MACROD2: variants seen among roughly 807,000 people sequenced by gnomAD.
MACROD2 encodes the protein ADP-ribose glycohydrolase MACROD2.
MACROD2 carries 36 observed loss-of-function variants against 70.4 expected under a neutral mutation model. The observed-to-expected ratio is 0.51, with a 90% CI of 0.39 to 0.68. MACROD2 has a LOEUF of 0.68. Ranked by LOEUF, MACROD2 falls within the 30% of genes least tolerant of loss-of-function variation. MACROD2 has a pLI of 0.00. For missense variants in MACROD2, 496 were observed against 538.4 expected (o/e 0.92, Z 0.78); for synonymous variants, 172 against 178.8 (o/e 0.96, Z 0.30).
At chr20:14,452,407 A>G (rs919934112) in intron 3 of MACROD2, among the ~76,000 whole-genome samples, 1 of 152,126 alleles carries the variant, frequency 6.6e-6, no homozygotes, top group South Asian at 2.1e-4. Flanking sequence ...AATCAGTAAT[A>G]ATAATGACAA....
intron 3 of MACROD2, among the ~76,000 whole-genome samples, chr20:14,260,968 G>A (rs1378435188): frequency 3.3e-5 from 5 of 151,398 alleles, no homozygotes; most frequent in Non-Finnish European, 5.9e-5. Flanking sequence ...TGGCTTAAGA[G>A]TACTTGGGAC....
intron 8 of MACROD2, among the ~76,000 whole-genome samples, chr20:15,750,152 C>T (rs1415470461): frequency 1.3e-5 from 2 of 151,794 alleles, no homozygotes; most frequent in Non-Finnish European, 2.9e-5. Flanking sequence ...AATTCAAGAG[C>T]AAAACAACAA....
intron 3 of MACROD2, among the ~76,000 whole-genome samples, chr20:14,233,635 T>C (rs1444104994): frequency 7.1e-6 from 1 of 141,712 alleles, no homozygotes; most frequent in African/African-American, 2.6e-5. Flanking sequence ...AGGCAGAGCT[T>C]GCAGTGAGCC....
intron 8 of MACROD2, among the ~76,000 whole-genome samples, chr20:15,635,606 G>A (rs1281625180): frequency 2.0e-5 from 3 of 152,072 alleles, no homozygotes; most frequent in Non-Finnish European, 2.9e-5. Flanking sequence ...GAGGGAGGGA[G>A]GGGAGCGAGG....
At chr20:16,037,372 G>T (rs1020979813) in intron 15 of MACROD2, among the ~76,000 whole-genome samples, 2 of 151,696 alleles carry the variant, frequency 1.3e-5, no homozygotes, top group East Asian at 3.9e-4. Flanking sequence ...ATGTAACCAG[G>T]GTTATTACCA....
Position 14,750,160 on chromosome 20 carries a change from G to A in MACROD2, c.418+65201G>A, listed in dbSNP as rs569276410. On this transcript the variant is annotated intron_variant, in intron 5 of 17. Transcript: ENST00000684519. Reference sequence around the variant, plus strand: ...TTTTGCAAATTATCCTTATTGTTTAGCCTCTTAATTGTATATCTTACAAAA... The same window carrying A: ...TTTTGCAAATTATCCTTATTGTTTAACCTCTTAATTGTATATCTTACAAAA... Among the ~76,000 whole-genome samples, 276 of 152,034 alleles carry A rather than the reference G, an allele frequency of 1.8e-3. 3 individuals carry two copies. The highest frequency in any genetic ancestry group is 6.3e-3 in the African/African-American group (261 of 41,460).
Position 14,107,696 on chromosome 20 carries a change from AG to A in MACROD2, c.271+21969del, listed in dbSNP as rs1414051452. Among the ~76,000 whole-genome samples the A allele has an allele frequency of 1.1e-4, 5 of 45,676 alleles. No homozygotes were observed. The Admixed American group carries it at 1.4e-3, about 13-fold the overall frequency. 30.0% of individuals were successfully genotyped at this position (45,676 alleles called of 152,430 possible). On this transcript the variant is annotated intron_variant, in intron 3 of 17. Coordinates refer to ENST00000684519, the MANE Select transcript of MACROD2 (RefSeq NM_001351661.2). ...CAGTACATCTGGCAGCACCTCTTTCAGTGGAAACCCTGCATGCCAGGAGAGA... is the reference window on the plus strand; with the variant it reads ...CAGTACATCTGGCAGCACCTCTTTCATGGAAACCCTGCATGCCAGGAGAGA...
At position 14,020,494 on chromosome 20, in the gene MACROD2, T is replaced by C. The variant is rs186683464; in HGVS notation, c.163+18090T>C. Among the ~76,000 whole-genome samples the C allele has an allele frequency of 1.8e-3, 267 of 152,242 alleles. 1 individual carries two copies. Among genetic ancestry groups the C allele is most frequent in the African/African-American group, 5.7e-3 (235 of 41,552 alleles). On this transcript the variant is annotated intron_variant, in intron 2 of 17. Transcript: ENST00000684519. ...ATCTCAAAAAAAATAAAATTAAATT[T>C]AAAAAGTCCATAAGTCCATTGTCTG...
intron 4 of MACROD2, among the ~76,000 whole-genome samples, chr20:14,506,013 G>A (rs561556752): frequency 6.6e-6 from 1 of 152,282 alleles, no homozygotes; most frequent in South Asian, 2.1e-4. Flanking sequence ...CTCTCCATTT[G>A]GTTGTGTGGA....
intron 8 of MACROD2, among the ~76,000 whole-genome samples, chr20:15,703,377 C>A (rs539239867): frequency 6.6e-6 from 1 of 152,280 alleles, no homozygotes; most frequent in Non-Finnish European, 1.5e-5. Flanking sequence ...GCCTCTGTCA[C>A]TTCCTATTTT....
intron 6 of MACROD2, among the ~76,000 whole-genome samples, chr20:15,264,645 G>T (rs1178233299): frequency 6.6e-6 from 1 of 152,110 alleles, no homozygotes. Context: ...GGATAGTCTC[G>T]CAGGTTGCAG....
intron 8 of MACROD2, among the ~76,000 whole-genome samples, chr20:15,633,689 T>C (rs2146756648): frequency 6.6e-6 from 1 of 152,316 alleles, no homozygotes; most frequent in South Asian, 2.1e-4. Context: ...CAAGCTAATA[T>C]CACCAGCCTG....
chr20:14,092,121 T>C (rs1457048292), intron 3 of MACROD2, among the ~76,000 whole-genome samples: 2 of 152,204 alleles, frequency 1.3e-5, no homozygotes, highest in Admixed American at 6.5e-5. Context: ...TTATTTCTTA[T>C]TTATTTTAGC....
At position 15,096,534 on chromosome 20, in the gene MACROD2, G is replaced by A. The variant is rs138121341; in HGVS notation, c.419-133406G>A. Among the ~76,000 whole-genome samples, 217 of 142,454 alleles carry A rather than the reference G, an allele frequency of 1.5e-3. 1 individual carries two copies. The highest frequency in any genetic ancestry group is 5.2e-3 in the African/African-American group (204 of 39,088). The allele number at this position is 142,454 out of a possible 152,430, so 93.5% of individuals were successfully genotyped here. A position where few individuals can be genotyped will look rare whatever the true frequency, so the allele number is the denominator to read the frequency against. On this transcript the variant is annotated intron_variant, in intron 5 of 17. Transcript: ENST00000684519. ...TGTTTGTTCCTTTTTTTGAGACAGA[G>A]TCTTGCTCACTCTGTCGCCCAGGCT... is the stretch of plus-strand genomic sequence containing the variant.
intron 6 of MACROD2, among the ~76,000 whole-genome samples, chr20:15,367,407 G>C (rs930165016): frequency 3.3e-5 from 5 of 151,872 alleles, no homozygotes; most frequent in African/African-American, 7.3e-5. Context: ...AATTCTCTTG[G>C]GAGAATCAAA....
At chr20:14,240,515 A>T (rs1442012788) in intron 3 of MACROD2, among the ~76,000 whole-genome samples, 1 of 152,196 alleles carries the variant, frequency 6.6e-6, no homozygotes, top group African/African-American at 2.4e-5. Context: ...GCCCCCCAAA[A>T]TGGATGAGAT....
chr20:15,873,811 A>G (rs139999664), intron 9 of MACROD2, among the ~76,000 whole-genome samples: 2 of 152,292 alleles, frequency 1.3e-5, no homozygotes, highest in South Asian at 2.1e-4. Flanking sequence ...CAAAAACTCA[A>G]AAATGACCTT....
chr20:15,219,545 C>G (rs748169913), intron 5 of MACROD2, among the ~76,000 whole-genome samples: 10 of 152,116 alleles, frequency 6.6e-5, no homozygotes, highest in Non-Finnish European at 1.0e-4. Flanking sequence ...TTCACATATT[C>G]TTTTGGCTAG....
intron 4 of MACROD2, among the ~76,000 whole-genome samples, chr20:14,527,288 G>A (rs1354252774): frequency 6.6e-6 from 1 of 152,178 alleles, no homozygotes; most frequent in African/African-American, 2.4e-5. Context: ...GTAGGCACAC[G>A]ATGGGGGTGT....
Sources: allele counts gnomAD v4.1 joint callset (sites outside exome capture counted in the v4.1 genomes callset), GRCh38; gene constraint gnomAD v4.1.1; transcripts MANE v1.5; gene names NCBI Gene and HGNC (gene_info 2026-07-23, HGNC 2026-07-21).